JMJD1C: variants seen among roughly 807,000 people sequenced by gnomAD.
JMJD1C encodes jumonji domain containing 1C.
JMJD1C carries 31 observed loss-of-function variants against 245.3 expected under a neutral mutation model. The observed-to-expected ratio is 0.13, with a 90% CI of 0.09 to 0.17. The LOEUF (loss-of-function observed/expected upper bound fraction) is 0.17. JMJD1C is among the 10% of genes least tolerant of loss of function. The probability of loss-of-function intolerance (pLI) is 1.00; values close to 1 mark genes in which losing one functional copy is unlikely to be tolerated. For missense variants in JMJD1C, 2,691 were observed against 3,000.2 expected, an observed-to-expected ratio of 0.90 and a Z score of 2.41; for synonymous variants, 1,057 against 1,017.4, an observed-to-expected ratio of 1.04 and a Z score of -0.74.
chr10:63,337,603 G>GAAAA (rs201681810), intron 2 of JMJD1C, among the ~76,000 whole-genome samples: 2 of 101,180 alleles, frequency 2.0e-5, no homozygotes, highest in Non-Finnish European at 3.7e-5. Context: ...GAAAAGAAAA[G>GAAAA]AAAAGAAAAG....
At chr10:63,455,963 A>C (rs886684451) in intron 1 of JMJD1C, among the ~76,000 whole-genome samples, 11 of 152,130 alleles carry the variant, frequency 7.2e-5, no homozygotes, top group Non-Finnish European at 1.6e-4. Flanking sequence ...ATTAACTGTA[A>C]GCATATTTGC....
chr10:63,392,527 A>T (rs573917369), intron 1 of JMJD1C, among the ~76,000 whole-genome samples: 223 of 152,158 alleles, frequency 1.5e-3, no homozygotes, highest in African/African-American at 5.1e-3. Flanking sequence ...AAAAAATCCC[A>T]TTAAAAAGTG....
At chr10:63,272,136 AAC>A (rs1233783469) in intron 2 of JMJD1C, among the ~76,000 whole-genome samples, 1 of 152,136 alleles carries the variant, frequency 6.6e-6, no homozygotes, top group Non-Finnish European at 1.5e-5. Context: ...GTATATGATG[AAC>A]TTGCACTTAT....
intron 2 of JMJD1C, among the ~76,000 whole-genome samples, chr10:63,291,959 G>C (rs1858789645): frequency 1.3e-5 from 2 of 151,766 alleles, no homozygotes; most frequent in South Asian, 4.2e-4. Flanking sequence ...TTGTATGTGT[G>C]TGTGTATTTG....
In JMJD1C at chr10:63,416,404, G is replaced by C. The variant is rs567165882; in HGVS notation, c.169-35922C>G. 4.0e-5 allele frequency among the ~76,000 whole-genome samples: 6 copies of C among 150,866 alleles called. No individual in the cohort carries two copies. In the South Asian group the frequency reaches 1.3e-3, roughly 32 times the overall value. ...AGCTGAATTGCAATCCGTAATTGCA[G>C]GAAAAATCTATCTCATTTTATGCAT... On this transcript the variant is annotated intron_variant, in intron 1 of 25. Coordinates refer to ENST00000399262, the MANE Select transcript of JMJD1C (RefSeq NM_032776.3).
intron 1 of JMJD1C, among the ~76,000 whole-genome samples, chr10:63,395,623 T>C (rs1296276573): frequency 6.6e-6 from 1 of 152,190 alleles, no homozygotes; most frequent in Non-Finnish European, 1.5e-5. Flanking sequence ...CCATGTGAAA[T>C]AACCTATATT....
At chr10:63,425,891 T>C (rs1184905502) in intron 1 of JMJD1C, among the ~76,000 whole-genome samples, 1 of 152,184 alleles carries the variant, frequency 6.6e-6, no homozygotes, top group Non-Finnish European at 1.5e-5. Context: ...GTTCTTGAAT[T>C]TGGAGATATG....
chr10:63,492,016 T>C (rs1474284198), intron 1 of JMJD1C, among the ~76,000 whole-genome samples: 1 of 152,218 alleles, frequency 6.6e-6, no homozygotes, highest in Non-Finnish European at 1.5e-5. Context: ...TTAAACAACA[T>C]ATAGAGTAAA....
In JMJD1C at chr10:63,284,856, TTCACACACACACACACACAC is replaced by T. The variant is rs1857788083; in HGVS notation, c.334-20112_334-20093del. ...AGATGCCATTCCCTGGCAGGGAAGA[TTCACACACACACACACACAC>T]ACACACACACACACACACACACACA... On this transcript the variant is annotated intron_variant, in intron 2 of 25. Coordinates refer to ENST00000399262, the MANE Select transcript of JMJD1C (RefSeq NM_032776.3). 4.0e-5 allele frequency among the ~76,000 whole-genome samples: 4 copies of T among 101,054 alleles called. No individual in the cohort carries two copies. The South Asian group carries it at 1.4e-3, about 35-fold the overall frequency. 66.3% of individuals were successfully genotyped at this position (101,054 alleles called of 152,430 possible). A position where few individuals can be genotyped will look rare whatever the true frequency, so the allele number is the denominator to read the frequency against.
chr10:63,277,686 G>A (rs1420285543), intron 2 of JMJD1C, among the ~76,000 whole-genome samples: 1 of 145,070 alleles, frequency 6.9e-6, no homozygotes, highest in Non-Finnish European at 1.5e-5. Flanking sequence ...AAAACAAATT[G>A]ACCAAGTAAG....
At position 63,506,785 on chromosome 10, in the gene JMJD1C, G is replaced by C. The variant is rs943124351; in HGVS notation, n.113+14953C>G. The stretch of plus-strand genomic sequence containing the variant: ...CAGTGACCCAGTATTATCAACCAAA[G>C]TCCATAGTTAACATTAGGGTTCACT... On this transcript the variant is annotated intron_variant and non_coding_transcript_variant, in intron 1 of 3. Transcript: ENST00000633035. Among the ~76,000 whole-genome samples the C allele has an allele frequency of 3.9e-5, 6 of 152,182 alleles. No homozygotes were observed. The East Asian group carries it at 9.7e-4, about 24-fold the overall frequency.
chr10:63,484,236 G>GATAGATA (rs1953916795), intron 1 of JMJD1C, among the ~76,000 whole-genome samples: 2 of 92,632 alleles, frequency 2.2e-5, no homozygotes, highest in African/African-American at 6.3e-5. Flanking sequence ...ATGGATGGAT[G>GATAGATA]GATAGATAGA....
At chr10:63,356,237 A>C (rs1457669782) in intron 2 of JMJD1C, among the ~76,000 whole-genome samples, 2 of 152,194 alleles carry the variant, frequency 1.3e-5, no homozygotes, top group Admixed American at 1.3e-4. Context: ...GTAGAAGACA[A>C]ACTTTACCTA....
intron 24 of JMJD1C, among the ~76,000 whole-genome samples, chr10:63,174,887 C>T (rs1842741143): frequency 6.6e-6 from 1 of 151,122 alleles, no homozygotes; most frequent in Non-Finnish European, 1.5e-5. Flanking sequence ...GGAATTTTTT[C>T]GGAGTGATGG....
intron 2 of JMJD1C, chr10:63,380,105 ATTTTT>A (rs34420480): frequency 7.7e-4 from 256 of 331,684 alleles, no homozygotes; most frequent in Middle Eastern, 1.8e-3. Flanking sequence ...ACATCCAGCT[ATTTTT>A]TTTTTTTTTT....
At chr10:63,291,541 C>T (rs988921480) in intron 2 of JMJD1C, among the ~76,000 whole-genome samples, 23 of 144,004 alleles carry the variant, frequency 1.6e-4, no homozygotes, top group African/African-American at 5.4e-4. Flanking sequence ...CTTGAACCCG[C>T]GAGGCAGAGG....
chr10:63,427,607 G>A (rs900022736), intron 1 of JMJD1C: 38 of 1,399,066 alleles, frequency 2.7e-5, no homozygotes, highest in African/African-American at 1.3e-4. Flanking sequence ...AACCATGCCC[G>A]GCTGATGGTG....
chr10:63,309,422 G>C (rs762961080), intron 2 of JMJD1C, among the ~76,000 whole-genome samples: 29 of 148,458 alleles, frequency 2.0e-4, no homozygotes, highest in Non-Finnish European at 2.7e-4. Flanking sequence ...TGAACCGGGG[G>C]GGCAGAGGTT....
At chr10:63,245,133 CAAAAAAAAAA>C (rs71025133) in intron 3 of JMJD1C, among the ~76,000 whole-genome samples, 15 of 65,698 alleles carry the variant, frequency 2.3e-4, no homozygotes, top group South Asian at 1.8e-3. Context: ...GACTCTGTCT[CAAAAAAAAAA>C]AAAAAAAAAA....
Sources: allele counts gnomAD v4.1 joint callset (sites outside exome capture counted in the v4.1 genomes callset), GRCh38; gene constraint gnomAD v4.1.1; transcripts MANE v1.5; gene names NCBI Gene and HGNC (gene_info 2026-07-23, HGNC 2026-07-21).